EGF: variants seen among roughly 807,000 people sequenced by gnomAD.
The protein encoded by EGF is epidermal growth factor.
EGF carries 95 observed loss-of-function variants against 143.8 expected under a neutral mutation model. The ratio of observed to expected loss-of-function variants is 0.66; its 90% CI spans 0.56 to 0.78. EGF has a LOEUF of 0.78. EGF is among the 30% of genes least tolerant of loss of function. The pLI, the probability that EGF is intolerant of heterozygous loss-of-function variation, is 0.00. For synonymous variants in EGF, 510 were observed against 510.5 expected (o/e 1.00, Z 0.01); for missense variants, 1,320 against 1,470.9 (o/e 0.90, Z 1.68).
chr4:109,978,025 T>C (rs1254776297), intron 13 of EGF, among the ~76,000 whole-genome samples: 1 of 152,198 alleles, frequency 6.6e-6, no homozygotes, highest in Non-Finnish European at 1.5e-5. Flanking sequence ...CTAATACAAC[T>C]ATTGAAGGCC....
chr4:109,944,169 GC>G lies in EGF; in HGVS notation c.737+102del, dbSNP rs1238447494. The G allele has an allele frequency of 3.0e-4, 395 of 1,323,856 alleles. 1 individual carries two copies. Among genetic ancestry groups the G allele is most frequent in the Non-Finnish European group, 5.3e-5 (50 of 947,804 alleles). 82.0% of individuals were successfully genotyped at this position (1,323,856 alleles called of 1,614,324 possible). ...CAATGGAACTGGTATAGTGGTTTAG[GC>G]CATAGATTTTGAATCCAAAAGACTT... is the stretch of plus-strand genomic sequence containing the variant. On this transcript the variant is annotated intron_variant, in intron 4 of 23. Coordinates refer to ENST00000265171, the MANE Select transcript of EGF (RefSeq NM_001963.6).
chr4:110,008,325 C>A (rs771365158), intron 23 of EGF, 95 bp downstream of exon 23: 2 of 1,403,402 alleles, frequency 1.4e-6, no homozygotes, highest in Non-Finnish European at 2.0e-6. Flanking sequence ...CACACACACA[C>A]ACAAACAAAA....
At chr4:109,944,308 G>A (rs751009662) in intron 4 of EGF, among the ~76,000 whole-genome samples, 2 of 151,958 alleles carry the variant, frequency 1.3e-5, no homozygotes, top group East Asian at 1.9e-4. Flanking sequence ...GCGTGGTGGC[G>A]AGCACCTGTA....
intron 5 of EGF, 83 bp downstream of exon 5, chr4:109,945,358 A>AG: frequency 7.1e-7 from 1 of 1,405,628 alleles, no homozygotes; most frequent in Non-Finnish European, 9.9e-7. Context: ...GAGGCGTTGT[A>AG]GGGGAAAAAA....
At chr4:109,967,371 G>C (rs190080486) in intron 10 of EGF, among the ~76,000 whole-genome samples, 152 of 152,224 alleles carry the variant, frequency 1.0e-3, no homozygotes, top group African/African-American at 3.4e-3. Flanking sequence ...CTTTAAATCT[G>C]GGTTCTCTAT....
chr4:109,968,676 C>CTATCTATCTATCTATA (rs1560707932), intron 10 of EGF: 1 of 132,764 alleles, frequency 7.5e-6, no homozygotes, highest in African/African-American at 4.1e-5. Context: ...CTATATACAT[C>CTATCTATCTATCTATA]TATCTATCTA....
intron 21 of EGF, among the ~76,000 whole-genome samples, chr4:110,002,343 A>G (rs1029822738): frequency 2.0e-5 from 3 of 152,130 alleles, no homozygotes; most frequent in African/African-American, 7.2e-5. Context: ...ATTACAAAAA[A>G]TTACCCAGGC....
At chr4:109,996,483 G>T (rs1751809072) in intron 20 of EGF, among the ~76,000 whole-genome samples, 1 of 152,178 alleles carries the variant, frequency 6.6e-6, no homozygotes, top group Non-Finnish European at 1.5e-5. Context: ...TAATAAAAAT[G>T]TGGTTTAATT....
chr4:109,993,185 A>C, intron 18 of EGF, 62 bp from the exon 19 acceptor site: 4 of 1,608,144 alleles, frequency 2.5e-6, no homozygotes, highest in Non-Finnish European at 3.4e-6. Flanking sequence ...AGGCTGTCCA[A>C]CTATAAAACC....
chr4:109,917,719 C>G (rs552930446), intron 1 of EGF, among the ~76,000 whole-genome samples: 1 of 152,258 alleles, frequency 6.6e-6, no homozygotes, highest in South Asian at 2.1e-4. Context: ...CTCCCAGGTT[C>G]AAGCAATTCT....
At chr4:109,970,824 C>CAAAAAAAAAAAAAAAAAAAAAAAA (rs371512157) in intron 11 of EGF, among the ~76,000 whole-genome samples, 1 of 72,974 alleles carries the variant, frequency 1.4e-5, no homozygotes, top group African/African-American at 5.5e-5. Flanking sequence ...GACTCCGTCT[C>CAAAAAAAAAAAAAAAAAAAAAAAA]AAAAAAAAAA....
chr4:109,923,167 TA>T (rs1015327632), intron 1 of EGF, among the ~76,000 whole-genome samples: 8 of 151,540 alleles, frequency 5.3e-5, no homozygotes, highest in African/African-American at 1.7e-4. Context: ...TTATATAAAA[TA>T]TTTTTTATGT....
intron 20 of EGF, among the ~76,000 whole-genome samples, chr4:109,998,485 A>G (rs1388111530): frequency 6.6e-6 from 1 of 152,256 alleles, no homozygotes; most frequent in Non-Finnish European, 1.5e-5. Context: ...GACGTTGTAC[A>G]AACTCCTTGA....
chr4:109,938,513 C>G (rs895072862), intron 1 of EGF, among the ~76,000 whole-genome samples: 3 of 152,224 alleles, frequency 2.0e-5, no homozygotes, highest in African/African-American at 7.2e-5. Flanking sequence ...AAGCCTACTT[C>G]TGTCACCTTG....
intron 15 of EGF, among the ~76,000 whole-genome samples, chr4:109,981,860 G>T (rs1238472096): frequency 6.6e-6 from 1 of 152,042 alleles, no homozygotes; most frequent in Non-Finnish European, 1.5e-5. Context: ...AAAAAGCTGT[G>T]TAGTCAATGG....
intron 21 of EGF, 46 bp from the exon 22 acceptor site, chr4:110,004,459 A>G (rs1027287445): frequency 1.9e-6 from 3 of 1,544,340 alleles, no homozygotes; most frequent in Non-Finnish European, 2.7e-6. Context: ...TGGGCTGAGT[A>G]TTTTGTTTTG....
At chr4:109,915,352 T>A (rs1249268794) in intron 1 of EGF, among the ~76,000 whole-genome samples, 6 of 152,334 alleles carry the variant, frequency 3.9e-5, no homozygotes, top group African/African-American at 1.4e-4. Context: ...ACCTAGCATG[T>A]ACCAAAGCAT....
At chr4:109,987,967 T>C (rs1750387704) in intron 17 of EGF, 107 bp downstream of exon 17, 2 of 887,078 alleles carry the variant, frequency 2.3e-6, no homozygotes, top group Non-Finnish European at 3.8e-6. Flanking sequence ...AATCAGCAGA[T>C]TTGAATAAGT....
chr4:109,936,686 C>A (rs28846451), intron 1 of EGF, among the ~76,000 whole-genome samples: 58,533 of 152,030 alleles, frequency 0.39, 11,621 homozygotes, highest in East Asian at 0.5. Context: ...TTAGTGTATA[C>A]ATTTCCGTAT....
Sources: gnomAD v4.1 joint callset for allele counts (sites outside exome capture counted in the v4.1 genomes callset) on GRCh38, gnomAD v4.1.1 for gene constraint, MANE v1.5 for transcripts, NCBI Gene and HGNC (gene_info 2026-07-23, HGNC 2026-07-21) for gene names.